B3GLCT: variants seen among roughly 807,000 people sequenced by gnomAD.
B3GLCT encodes beta-1,3-glucosyltransferase.
Under a neutral mutation model 63.4 loss-of-function variants are expected in B3GLCT, and 65 were observed. The observed-to-expected ratio is 1.03, with a 90% CI of 0.84 to 1.26. The LOEUF is 1.26. Ranked by LOEUF, B3GLCT falls within the 50% of genes most tolerant of loss-of-function variation. The pLI, the probability that B3GLCT is intolerant of heterozygous loss-of-function variation, is 0.00. For missense variants in B3GLCT, 577 were observed against 604.8 expected, an observed-to-expected ratio of 0.95 and a Z score of 0.48; for synonymous variants, 233 against 219.2, an observed-to-expected ratio of 1.06 and a Z score of -0.55.
At chr13:31,218,245 A>G (rs1215326509) in intron 2 of B3GLCT, among the ~76,000 whole-genome samples, 1 of 143,266 alleles carries the variant, frequency 7.0e-6, no homozygotes, top group Non-Finnish European at 1.5e-5. Context: ...GCTAGCATGC[A>G]GTGGCGTGAT....
At chr13:31,291,589 G>A (rs559921924) in intron 12 of B3GLCT, among the ~76,000 whole-genome samples, 19 of 152,312 alleles carry the variant, frequency 1.2e-4, no homozygotes, top group African/African-American at 4.6e-4. Flanking sequence ...TGTAGCAATT[G>A]TGAATGGCAG....
chr13:31,200,181 AG>A, intron 1 of B3GLCT, 27 bp downstream of exon 1: 1 of 1,272,926 alleles, frequency 7.9e-7, no homozygotes, highest in Non-Finnish European at 1.0e-6. Context: ...CAGGCGCGCA[AG>A]GGCGAGGCGT....
chr13:31,244,360 T>G (rs1467874693), intron 4 of B3GLCT, among the ~76,000 whole-genome samples: 1 of 152,090 alleles, frequency 6.6e-6, no homozygotes, highest in South Asian at 2.1e-4. Context: ...GGCGTGGTGG[T>G]GCACCCCTGT....
intron 12 of B3GLCT, chr13:31,311,430 T>C (rs1874702935): frequency 1.3e-5 from 2 of 152,278 alleles, no homozygotes; most frequent in African/African-American, 4.8e-5. Context: ...GATTTTGATC[T>C]GTCACACATC....
intron 4 of B3GLCT, among the ~76,000 whole-genome samples, chr13:31,231,063 C>G (rs1870356264): frequency 6.6e-6 from 1 of 151,866 alleles, no homozygotes; most frequent in Non-Finnish European, 1.5e-5. Context: ...TGGAGGTTTT[C>G]TCCTACTAAA....
chr13:31,206,111 T>C (rs1488678681), intron 1 of B3GLCT, among the ~76,000 whole-genome samples: 1 of 152,216 alleles, frequency 6.6e-6, no homozygotes, highest in Admixed American at 6.5e-5. Context: ...GTTTTTCGTT[T>C]ACGAGCTAAA....
intron 10 of B3GLCT, among the ~76,000 whole-genome samples, chr13:31,279,999 T>A (rs1366604365): frequency 6.6e-6 from 1 of 152,204 alleles, no homozygotes; most frequent in Non-Finnish European, 1.5e-5. Context: ...ACTTTAAGGG[T>A]ATCTCCCTTG....
chr13:31,222,754 A>G (rs1199370706), intron 2 of B3GLCT, among the ~76,000 whole-genome samples, 198 bp from the exon 3 acceptor site: 1 of 152,264 alleles, frequency 6.6e-6, no homozygotes, highest in Non-Finnish European at 1.5e-5. Flanking sequence ...GAAGTCTGTC[A>G]TGATACAGAA....
chr13:31,329,723 C>T lies in B3GLCT; in HGVS notation c.*55C>T, dbSNP rs1875820462. On this transcript the variant is annotated 3_prime_UTR_variant, in exon 15 of 15. Transcript: ENST00000343307. ...CAGGGAATGAACTGGAGACTGTGGC[C>T]TCATCCCACTGTGCTGTGCTCACAA... 13 of 1,585,714 alleles carry T rather than the reference C, an allele frequency of 8.2e-6. No homozygotes were observed. The highest frequency in any genetic ancestry group is 9.5e-6 in the Non-Finnish European group (11 of 1,157,042).
chr13:31,286,035 T>C (rs1873314765), intron 11 of B3GLCT, among the ~76,000 whole-genome samples: 1 of 152,208 alleles, frequency 6.6e-6, no homozygotes, highest in African/African-American at 2.4e-5. Context: ...ATATTTGTGC[T>C]CCACTGTGTC....
intron 10 of B3GLCT, among the ~76,000 whole-genome samples, chr13:31,281,533 G>A (rs1873069227): frequency 6.6e-6 from 1 of 152,190 alleles, no homozygotes; most frequent in Non-Finnish European, 1.5e-5. Context: ...GGAGTCAGGT[G>A]TTGCCTTTCC....
intron 4 of B3GLCT, among the ~76,000 whole-genome samples, chr13:31,236,624 C>T (rs965791401): frequency 6.6e-6 from 1 of 152,174 alleles, no homozygotes; most frequent in African/African-American, 2.4e-5. Flanking sequence ...TATGACCAAA[C>T]TTTAATTTGG....
At chr13:31,316,407 T>TTTTTTATATATATA (rs1239451482) in intron 12 of B3GLCT, among the ~76,000 whole-genome samples, 1 of 40,866 alleles carries the variant, frequency 2.4e-5, no homozygotes, top group Admixed American at 3.7e-4. Flanking sequence ...TTTGGAGGTT[T>TTTTTTATATATATA]TATATATATA....
intron 12 of B3GLCT, among the ~76,000 whole-genome samples, 168 bp from the exon 13 acceptor site, chr13:31,317,398 G>A (rs1243159038): frequency 1.3e-5 from 2 of 151,820 alleles, no homozygotes; most frequent in South Asian, 4.2e-4. Flanking sequence ...TTCTTTTTTT[G>A]TTGTTGTTTA....
chr13:31,211,284 A>G (rs576408635), intron 1 of B3GLCT, among the ~76,000 whole-genome samples: 13 of 152,206 alleles, frequency 8.5e-5, no homozygotes, highest in African/African-American at 2.2e-4. Flanking sequence ...AACCCCAGCT[A>G]CTCGGAGGCT....
At chr13:31,269,382 A>G in intron 8 of B3GLCT, 105 bp downstream of exon 8, 1 of 761,112 alleles carries the variant, frequency 1.3e-6, no homozygotes, top group Non-Finnish European at 2.3e-6. Flanking sequence ...CCCCACCCAC[A>G]TCTACTCCCC....
intron 4 of B3GLCT, among the ~76,000 whole-genome samples, chr13:31,234,443 G>A (rs1342446215): frequency 6.6e-6 from 1 of 152,164 alleles, no homozygotes; most frequent in Non-Finnish European, 1.5e-5. Flanking sequence ...TGCTCAAGGA[G>A]GGATTTCTGA....
rs1873228948 is a variant in B3GLCT at position 31,284,654 on chromosome 13, T to C, written c.857T>C (p.Ile286Thr). The part of the protein sequence containing the change: ...CKKFHGDRIP[I>T]VKQTWESQAS... ...ACCTCTGTAATTTTTTCAGTACCTA[T>C]TGTTAAGCAGACTTGGGAGAGCCAG... The change falls in exon 11 of 15, where the codon ATT (isoleucine) becomes ACT (threonine). Residue 286 changes from isoleucine (I) to threonine (T), a missense_variant. Coordinates refer to ENST00000343307, the MANE Select transcript of B3GLCT (RefSeq NM_194318.4). The C allele has an allele frequency of 1.3e-6, 2 of 1,588,466 alleles. No individual in the cohort carries two copies. Among genetic ancestry groups the C allele is most frequent in the Non-Finnish European group, 8.6e-7 (1 of 1,156,830 alleles).
intron 12 of B3GLCT, among the ~76,000 whole-genome samples, chr13:31,308,866 T>A (rs1714886739): frequency 6.6e-6 from 1 of 152,212 alleles, no homozygotes; most frequent in Non-Finnish European, 1.5e-5. Flanking sequence ...CTGAGGCTAG[T>A]GGCTGAAGCT....
Sources: gnomAD v4.1 joint callset for allele counts (sites outside exome capture counted in the v4.1 genomes callset) on GRCh38, gnomAD v4.1.1 for gene constraint, MANE v1.5 for transcripts, NCBI Gene and HGNC (gene_info 2026-07-23, HGNC 2026-07-21) for gene names.